The following APEX2 variants were observed in gnomAD, a reference collection of about 807,000 sequenced individuals.
APEX2 encodes the protein DNA-(apurinic or apyrimidinic site) endonuclease 2.
APEX2 carries 4 observed loss-of-function variants against 16.7 expected under a neutral mutation model. The observed-to-expected ratio is 0.24, with a 90% CI of 0.12 to 0.55. The LOEUF (loss-of-function observed/expected upper bound fraction) is 0.55, where lower values mean the gene tolerates loss of function less well. APEX2 is among the 20% of genes least tolerant of loss of function. The pLI is 0.94. For synonymous variants in APEX2, 181 were observed against 166.9 expected (o/e 1.08, Z -0.65); for missense variants, 357 against 433.6 (o/e 0.82, Z 1.57).
At chrX:55,005,012 G>T (rs999116641) in intron 5 of APEX2, among the ~76,000 whole-genome samples, 3 of 111,513 alleles carry the variant, frequency 2.7e-5, no homozygotes, top group African/African-American at 9.8e-5. Context: ...GGGGATCAGT[G>T]ATTTATGCTG....
At position 55,006,969 on chromosome X, in the gene APEX2, G is replaced by A. The variant is rs749152001; in HGVS notation, c.1091G>A (p.Arg364Gln). ...QSTLQHNNQTRVQTCQNKAQV... is the reference protein window; with the variant it reads ...QSTLQHNNQTQVQTCQNKAQV... ...ACGCTGCAGCACAACAATCAAACCC[G>A]GGTACAGACATGCCAAAACAAAGCC... Residue 364 changes from arginine to glutamine, a missense_variant, in exon 6 of 6, where the codon CGG (arginine) becomes CAG (glutamine). Coordinates refer to ENST00000374987, the MANE Select transcript of APEX2 (RefSeq NM_014481.4). 2.5e-5 allele frequency: 30 copies of A among 1,210,179 alleles called. No homozygotes were observed. Among genetic ancestry groups the A allele is most frequent in the Admixed American group, 8.7e-5 (4 of 45,827 alleles).
Position 55,009,028 on chromosome X carries a change from G to C in APEX2, c.*1593G>C, listed in dbSNP as rs771018955. The stretch of plus-strand genomic sequence containing the variant: ...TGAGGGAGTCAGAATGCACTTGTCT[G>C]TTCCCTGTCCAATAAAAGGCTTCAC... On this transcript the variant is annotated 3_prime_UTR_variant, in exon 6 of 6. Coordinates refer to ENST00000374987, the MANE Select transcript of APEX2 (RefSeq NM_014481.4). 1.4e-6 allele frequency: 1 copy of C among 729,606 alleles called. No individual in the cohort carries two copies. The highest frequency in any genetic ancestry group is 2.0e-6 in the Non-Finnish European group (1 of 494,874). The allele number at this position is 729,606 out of a possible 1,213,427, so 60.1% of individuals were successfully genotyped here. A position where few individuals can be genotyped will look rare whatever the true frequency, so the allele number is the denominator to read the frequency against.
At chrX:55,006,273 G>A (rs748023987) in intron 5 of APEX2, among the ~76,000 whole-genome samples, 1 of 110,842 alleles carries the variant, frequency 9.0e-6, no homozygotes, top group African/African-American at 3.3e-5. Flanking sequence ...TGCCATTGAC[G>A]GACCAATGCA....
Position 55,000,403 on chromosome X carries a change from A to T in APEX2, c.-20A>T. ...CGCGCCTAGGTTGGCGCGGGCTGGG[A>T]GGTGTTCCAGCCCTTTAAGATGTTG... On this transcript the variant is annotated 5_prime_UTR_variant, in exon 1 of 6. Coordinates refer to ENST00000374987, the MANE Select transcript of APEX2 (RefSeq NM_014481.4). 8.7e-7 allele frequency: 1 copy of T among 1,147,958 alleles called. No individual in the cohort carries two copies. Among genetic ancestry groups the T allele is most frequent in the African/African-American group, 1.8e-5 (1 of 55,595 alleles). 94.6% of individuals were successfully genotyped at this position (1,147,958 alleles called of 1,213,427 possible). A position where few individuals can be genotyped will look rare whatever the true frequency, so the allele number is the denominator to read the frequency against.
intron 2 of APEX2, among the ~76,000 whole-genome samples, chrX:55,001,959 A>G (rs1202269460): frequency 9.0e-6 from 1 of 111,526 alleles, no homozygotes; most frequent in African/African-American, 3.3e-5. Context: ...GAAAATGAGG[A>G]TAATGTTTAC....
Position 55,007,113 on chromosome X carries a change from T to G in APEX2, c.1235T>G (p.Leu412Arg), listed in dbSNP as rs938832323. 1 of 1,211,859 alleles carries G rather than the reference T, an allele frequency of 8.3e-7. No homozygotes were observed. Among genetic ancestry groups the G allele is most frequent in the Non-Finnish European group, 1.1e-6 (1 of 895,540 alleles). ...CCCCAAGCCTCTCCTGACATAGAGC[T>G]GCCTAGCCTACCACTGATGAGCGCC... ...SCPQASPDIE[L>R]PSLPLMSALM... The change falls in exon 6 of 6, where the codon CTG (leucine) becomes CGG (arginine). Residue 412 changes from leucine (L) to arginine (R), a missense_variant. Coordinates refer to ENST00000374987, the MANE Select transcript of APEX2 (RefSeq NM_014481.4).
rs1448022026 is a variant in APEX2, at chrX:55,008,109, G to C, written c.*674G>C. On this transcript the variant is annotated 3_prime_UTR_variant, in exon 6 of 6. Transcript: ENST00000374987. ...GGTCCTCAGCCCTCAGAGTTGCCAGGCAGGGCCTGGGACCACACAAGTTTC... is the reference window on the plus strand; with the variant it reads ...GGTCCTCAGCCCTCAGAGTTGCCAGCCAGGGCCTGGGACCACACAAGTTTC... 1 of 112,823 alleles carries C rather than the reference G, an allele frequency of 8.9e-6. No homozygotes were observed. The allele number at this position is 112,823 out of a possible 1,213,427, so 9.3% of individuals were successfully genotyped here.
chrX:55,006,350 C>T (rs1463514092), intron 5 of APEX2, among the ~76,000 whole-genome samples, 168 bp from the exon 6 acceptor site: 1 of 111,662 alleles, frequency 9.0e-6, no homozygotes, highest in Non-Finnish European at 1.9e-5. Context: ...GGATGAAAAT[C>T]AGAATCCCAG....
At chrX:55,005,288 A>T (rs1728006630) in intron 5 of APEX2, among the ~76,000 whole-genome samples, 1 of 111,802 alleles carries the variant, frequency 8.9e-6, no homozygotes, top group Admixed American at 9.4e-5. Context: ...AGCATCATAC[A>T]TCTTTGTGCC....
At chrX:55,003,497 C>T (rs1382572072) in intron 4 of APEX2, among the ~76,000 whole-genome samples, 1 of 112,022 alleles carries the variant, frequency 8.9e-6, no homozygotes. Flanking sequence ...TTAGAGCAAT[C>T]AAGGGGAGGT....
chrX:55,006,955 C>T lies in APEX2; in HGVS notation c.1077C>T (p.His359=). The T allele has an allele frequency of 8.3e-7, 1 of 1,211,990 alleles. No homozygotes were observed. Among genetic ancestry groups the T allele is most frequent in the Non-Finnish European group, 1.1e-6 (1 of 895,566 alleles). Residue 359 remains histidine, a synonymous_variant, in exon 6 of 6, where the codon CAC becomes CAT. Transcript: ENST00000374987. ...SPVLEQSTLQ[H]NNQTRVQTCQ... is the part of the protein sequence containing the mutation. Reference sequence around the variant, plus strand: ...TGTTGGAGCAGTCGACGCTGCAGCACAACAATCAAACCCGGGTACAGACAT... The same window carrying T: ...TGTTGGAGCAGTCGACGCTGCAGCATAACAATCAAACCCGGGTACAGACAT...
chrX:55,007,027 G>T lies in APEX2; in HGVS notation c.1149G>T (p.Gln383His). 2 of 1,211,893 alleles carry T rather than the reference G, an allele frequency of 1.7e-6. No homozygotes were observed. Among genetic ancestry groups the T allele is most frequent in the East Asian group, 5.9e-5 (2 of 33,832 alleles). Residue 383 changes from glutamine to histidine, a missense_variant, in exon 6 of 6, where the codon CAG becomes CAT. Physicochemically the swap from Gln to His is conservative, Grantham distance 24 (BLOSUM62 0). Transcript: ENST00000374987. ...GCTCAACCAGGCCTCAGCCCAGTCA[G>T]GTTGGCTCTAGCAGAGGCCAGAAAA... ...QVRSTRPQPS[Q>H]VGSSRGQKNL...
rs746358977 is a variant in APEX2 at position 55,003,057 on chromosome X, G to A, written c.518G>A (p.Arg173His). 1.3e-5 allele frequency: 16 copies of A among 1,212,049 alleles called. No individual in the cohort carries two copies. Among genetic ancestry groups the A allele is most frequent in the African/African-American group, 5.2e-5 (3 of 57,942 alleles). ...GRPERLVFKM[R>H]FYRLLQIRAE... is the part of the protein sequence containing the mutation. ...CCTGAGCGGCTAGTCTTTAAGATGC[G>A]CTTCTATCGTTTGCTGCAAATCCGA... The change falls in exon 4 of 6, where the codon CGC (arginine) becomes CAC (histidine). Residue 173 changes from arginine (R) to histidine (H), a missense_variant. Arg to His is a conservative substitution (Grantham distance 29). Coordinates refer to ENST00000374987, the MANE Select transcript of APEX2 (RefSeq NM_014481.4).
intron 2 of APEX2, 146 bp downstream of exon 2, chrX:55,001,775 A>T: frequency 2.1e-6 from 1 of 486,287 alleles, no homozygotes. Context: ...TACATGAAAT[A>T]TAATTTTTAT....
At chrX:55,005,238 T>C (rs372564762) in intron 5 of APEX2, among the ~76,000 whole-genome samples, 2 of 112,079 alleles carry the variant, frequency 1.8e-5, no homozygotes, top group South Asian at 3.7e-4. Context: ...CTCATTCCTC[T>C]TATGCATTCA....
In APEX2 at chrX:55,001,574, C is replaced by T; in HGVS notation, c.186C>T (p.Ile62=). 2.5e-6 allele frequency: 3 copies of T among 1,206,807 alleles called. No homozygotes were observed. In the South Asian group the frequency reaches 5.4e-5, roughly 22 times the overall value. ...ATGCACTGACAGAGCCCCTGGCTAT[C>T]GTTGAGGGTTATAACTCCTATTTCA... The part of the protein sequence containing the change: ...TRDALTEPLA[I]VEGYNSYFSF... The change falls in exon 2 of 6, where the codon ATC becomes ATT. Residue 62 remains isoleucine (I), a synonymous_variant. Coordinates refer to ENST00000374987, the MANE Select transcript of APEX2 (RefSeq NM_014481.4).
At chrX:55,002,489 A>G (rs1423581379) in intron 3 of APEX2, 58 bp downstream of exon 3, 16 of 1,110,153 alleles carry the variant, frequency 1.4e-5, no homozygotes, top group Non-Finnish European at 1.9e-5. Context: ...TTGAGTGTGA[A>G]GATTCTAAGG....
chrX:55,000,374 C>T lies in APEX2; in HGVS notation c.-49C>T, dbSNP rs755725464. On this transcript the variant is annotated 5_prime_UTR_variant, in exon 1 of 6. Transcript: ENST00000374987. ...GCCAACTTCTGAACAGGAAGCAGTTCGCTCGCGCCTAGGTTGGCGCGGGCT... is the reference window on the plus strand; with the variant it reads ...GCCAACTTCTGAACAGGAAGCAGTTTGCTCGCGCCTAGGTTGGCGCGGGCT... The T allele has an allele frequency of 3.7e-6, 4 of 1,095,732 alleles. No homozygotes were observed. Among genetic ancestry groups the T allele is most frequent in the South Asian group, 4.6e-5 (2 of 43,127 alleles). 90.3% of individuals were successfully genotyped at this position (1,095,732 alleles called of 1,213,427 possible). A position where few individuals can be genotyped will look rare whatever the true frequency, so the allele number is the denominator to read the frequency against.
At chrX:55,006,175 C>T (rs746855767) in intron 5 of APEX2, among the ~76,000 whole-genome samples, 28 of 108,947 alleles carry the variant, frequency 2.6e-4, no homozygotes, top group Admixed American at 9.0e-4. Context: ...AGCCCTGCTT[C>T]CTAGAGGCAA....
Sources: gnomAD v4.1 joint callset for allele counts (sites outside exome capture counted in the v4.1 genomes callset) on GRCh38, gnomAD v4.1.1 for gene constraint, MANE v1.5 for transcripts, NCBI Gene and HGNC (gene_info 2026-07-23, HGNC 2026-07-21) for gene names.